Variants in ATP8B4 observed in about 807,000 individuals in gnomAD.
ATP8B4 encodes the protein probable phospholipid-transporting ATPase IM.
ATP8B4 carries 133 observed loss-of-function variants against 145.6 expected under a neutral mutation model. That is an observed-to-expected ratio of 0.91 (90% CI 0.79 to 1.05). ATP8B4 has a LOEUF of 1.05. Among genes scored for constraint, ATP8B4 ranks in the 50% least tolerant of loss-of-function variants. The probability of loss-of-function intolerance (pLI) is 0.00; values close to 1 mark genes in which losing one functional copy is unlikely to be tolerated. For missense variants in ATP8B4, 1,458 were observed against 1,425.2 expected, an observed-to-expected ratio of 1.02 and a Z score of -0.37; for synonymous variants, 507 against 492.9, an observed-to-expected ratio of 1.03 and a Z score of -0.38.
intron 7 of ATP8B4, among the ~76,000 whole-genome samples, chr15:50,006,893 G>A (rs973284216): frequency 4.6e-5 from 7 of 152,068 alleles, no homozygotes; most frequent in Non-Finnish European, 8.8e-5. Flanking sequence ...TGGCTCCCAC[G>A]GTCCGAGTTC....
At chr15:50,094,684 A>G (rs1009484733) in intron 2 of ATP8B4, among the ~76,000 whole-genome samples, 7 of 139,938 alleles carry the variant, frequency 5.0e-5, no homozygotes, top group Non-Finnish European at 1.1e-4. Flanking sequence ...ATATATTTGT[A>G]TATATGTGTG....
intron 7 of ATP8B4, among the ~76,000 whole-genome samples, chr15:50,003,267 G>A (rs2048038375): frequency 8.3e-6 from 1 of 120,254 alleles, no homozygotes. Flanking sequence ...TCAAAAATAG[G>A]GTGTGCATGT....
At chr15:50,050,764 TTTTA>T (rs994778749) in intron 3 of ATP8B4, among the ~76,000 whole-genome samples, 2 of 152,180 alleles carry the variant, frequency 1.3e-5, no homozygotes, top group Admixed American at 6.5e-5. Context: ...ATTAAATATG[TTTTA>T]TTTAACCACT....
intron 2 of ATP8B4, among the ~76,000 whole-genome samples, chr15:50,092,431 T>C (rs2055670122): frequency 6.6e-6 from 1 of 152,058 alleles, no homozygotes; most frequent in Admixed American, 6.6e-5. Context: ...TAAAAACAGA[T>C]GATCCAGATA....
At chr15:50,176,039 G>A (rs1475518480) in intron 1 of ATP8B4, among the ~76,000 whole-genome samples, 1 of 151,126 alleles carries the variant, frequency 6.6e-6, no homozygotes, top group African/African-American at 2.5e-5. Context: ...ATAGTATAGA[G>A]AGAGTGTATA....
At chr15:50,179,347 G>A (rs979850580) in intron 1 of ATP8B4, among the ~76,000 whole-genome samples, 10 of 152,072 alleles carry the variant, frequency 6.6e-5, no homozygotes, top group Admixed American at 2.6e-4. Flanking sequence ...CTAAGCTATC[G>A]ATCACCTTTC....
intron 6 of ATP8B4, among the ~76,000 whole-genome samples, chr15:50,026,341 C>A (rs137946563): frequency 6.6e-6 from 1 of 152,258 alleles, no homozygotes; most frequent in East Asian, 1.9e-4. Context: ...ACATGAGAAT[C>A]CCATGAAGTG....
At chr15:49,940,753 TAA>T (rs1282882262) in intron 14 of ATP8B4, among the ~76,000 whole-genome samples, 2 of 152,142 alleles carry the variant, frequency 1.3e-5, no homozygotes, top group Non-Finnish European at 2.9e-5. Flanking sequence ...AGACAATTAC[TAA>T]GGCTTCTTTC....
At chr15:50,004,500 AC>A (rs1810247348) in intron 7 of ATP8B4, among the ~76,000 whole-genome samples, 2 of 152,264 alleles carry the variant, frequency 1.3e-5, no homozygotes, top group South Asian at 4.1e-4. Context: ...AGTAAATCCT[AC>A]GGGGACCCAA....
chr15:49,998,148 C>T (rs2047579517), intron 8 of ATP8B4, among the ~76,000 whole-genome samples: 1 of 152,146 alleles, frequency 6.6e-6, no homozygotes. Flanking sequence ...GGATCCTCTC[C>T]ACTATCTCAG....
At chr15:50,034,659 C>T (rs891131565) in intron 6 of ATP8B4, among the ~76,000 whole-genome samples, 5 of 152,120 alleles carry the variant, frequency 3.3e-5, no homozygotes, top group African/African-American at 1.2e-4. Flanking sequence ...TTAAGAAACA[C>T]CAGGGCCTCA....
At chr15:50,018,907 A>G in intron 6 of ATP8B4, 1 of 1,250,328 alleles carries the variant, frequency 8.0e-7, no homozygotes, top group South Asian at 1.3e-5. Context: ...CAGGACCAGG[A>G]TAAATCTTCT....
intron 21 of ATP8B4, among the ~76,000 whole-genome samples, chr15:49,899,153 A>G (rs541529343): frequency 1.3e-5 from 2 of 152,162 alleles, no homozygotes; most frequent in South Asian, 4.1e-4. Flanking sequence ...CCATCATGCC[A>G]AATTGCTTGT....
intron 14 of ATP8B4, among the ~76,000 whole-genome samples, chr15:49,957,767 T>A (rs1226724103): frequency 6.6e-6 from 1 of 151,878 alleles, no homozygotes; most frequent in Non-Finnish European, 1.5e-5. Context: ...AAAACTAGCA[T>A]CAATACTCAA....
At position 49,987,453 on chromosome 15, in the gene ATP8B4, A is replaced by T. The variant is rs2046710859; in HGVS notation, c.686T>A (p.Ile229Lys). ...TCTCAGGATGCAGCCTCTCAGGATT[A>T]TCTTCTCATTGTTGAGGGAATGCTT... Reference protein sequence around the residue: ...DSKHSLNNEKIILRGCILRNT... With the variant: ...DSKHSLNNEKKILRGCILRNT... The change falls in exon 10 of 28, where the codon ATA (isoleucine) becomes AAA (lysine). Residue 229 changes from isoleucine to lysine, a missense_variant. Ile to Lys is a moderately radical substitution (Grantham distance 102). Transcript: ENST00000284509. 1 of 1,613,934 alleles carries T rather than the reference A, an allele frequency of 6.2e-7. No homozygotes were observed. Among genetic ancestry groups the T allele is most frequent in the Non-Finnish European group, 8.5e-7 (1 of 1,179,838 alleles).
At chr15:49,863,917 G>C (rs1042021975) in intron 26 of ATP8B4, among the ~76,000 whole-genome samples, 1 of 152,148 alleles carries the variant, frequency 6.6e-6, no homozygotes, top group Non-Finnish European at 1.5e-5. Flanking sequence ...AGCTGGAAAA[G>C]AGTGGTCCCT....
intron 25 of ATP8B4, among the ~76,000 whole-genome samples, chr15:49,867,758 A>T (rs1598791237): frequency 6.6e-6 from 1 of 152,216 alleles, no homozygotes; most frequent in African/African-American, 2.4e-5. Flanking sequence ...ACAACAAAAT[A>T]TAATAAGACC....
chr15:49,985,004 AATCAT>A (rs1567142853), intron 10 of ATP8B4, among the ~76,000 whole-genome samples: 1 of 152,240 alleles, frequency 6.6e-6, no homozygotes, highest in African/African-American at 2.4e-5. Context: ...TTGTAAAGCA[AATCAT>A]ATCTGTGTCA....
At chr15:50,107,449 AT>A (rs1567375788) in intron 1 of ATP8B4, among the ~76,000 whole-genome samples, 1 of 152,124 alleles carries the variant, frequency 6.6e-6, no homozygotes, top group Non-Finnish European at 1.5e-5. Flanking sequence ...ACAAAATGCA[AT>A]CCAAAACTTT....
Sources: gnomAD v4.1 joint callset for allele counts (sites outside exome capture counted in the v4.1 genomes callset) on GRCh38, gnomAD v4.1.1 for gene constraint, MANE v1.5 for transcripts, NCBI Gene and HGNC (gene_info 2026-07-23, HGNC 2026-07-21) for gene names.